PI16: variants seen among roughly 807,000 people sequenced by gnomAD.
PI16 encodes the protein PSP94-binding protein.
In PI16, 35 loss-of-function variants were observed where a neutral mutation model predicts 38.0. That is an observed-to-expected ratio of 0.92 (90% CI 0.70 to 1.22). The LOEUF is 1.22. PI16 is among the 50% of genes most tolerant of loss of function. The pLI is 0.00. For synonymous variants in PI16, 275 were observed against 252.9 expected (o/e 1.09, Z -0.83); for missense variants, 572 against 593.8 (o/e 0.96, Z 0.38).
rs201747717 is a variant in PI16 at position 36,963,491 on chromosome 6, G to T, written c.1149G>T (p.Leu383=). Residue 383 remains leucine (L), a synonymous_variant, in exon 5 of 7, where the codon CTG becomes CTT. Transcript: ENST00000373674. ...VFPAQDKPGE[L]QATLDHTGHT... ...CAGCCCAGGACAAGCCAGGTGAGCT[G>T]CAGGCCACACTGGACCACACGGGGC... 2.4e-4 allele frequency: 380 copies of T among 1,614,030 alleles called. No homozygotes were observed. The highest frequency in any genetic ancestry group is 2.8e-4 in the Non-Finnish European group (334 of 1,180,046).
upstream of PI16, among the ~76,000 whole-genome samples, chr6:36,952,705 G>T (rs972282786): frequency 1.3e-5 from 2 of 152,116 alleles, no homozygotes; most frequent in African/African-American, 4.8e-5. Context: ...TTGTAGATTT[G>T]TGGTTACATA....
At chr6:36,956,883 C>T (rs1763221555) in intron 1 of PI16, among the ~76,000 whole-genome samples, 1 of 152,186 alleles carries the variant, frequency 6.6e-6, no homozygotes, top group African/African-American at 2.4e-5. Context: ...ACTCTTCCTT[C>T]TCTCTCAGCC....
In PI16 at chr6:36,963,061, T is replaced by C. The variant is rs768444413; in HGVS notation, c.719T>C (p.Ile240Thr). ...ACTCCTTCTTCCCTAGCAACGGGGA[T>C]TCCGGCTTTCTTGGTAACAGAGGTC... ...MGTPSSLATGIPAFLVTEVSG... is the reference protein window; with the variant it reads ...MGTPSSLATGTPAFLVTEVSG... Residue 240 changes from isoleucine to threonine, a missense_variant, in exon 5 of 7, where the codon ATT becomes ACT. Ile to Thr is a moderately conservative substitution (Grantham distance 89). Coordinates refer to ENST00000373674, the MANE Select transcript of PI16 (RefSeq NM_153370.3). The C allele has an allele frequency of 3.2e-5, 52 of 1,614,126 alleles. No homozygotes were observed. Among genetic ancestry groups the C allele is most frequent in the Non-Finnish European group, 4.2e-5 (50 of 1,180,054 alleles).
At chr6:36,949,729 A>G (rs1027048109) in intron 1 of PI16, among the ~76,000 whole-genome samples, 2 of 152,058 alleles carry the variant, frequency 1.3e-5, no homozygotes, top group Admixed American at 6.5e-5. Flanking sequence ...TTATTTGCAT[A>G]TTCATTGTAA....
intron 2 of PI16, among the ~76,000 whole-genome samples, chr6:36,960,324 G>GGTGTGTGTGT (rs1561896570): frequency 1.4e-5 from 1 of 72,994 alleles, no homozygotes; most frequent in Non-Finnish European, 2.8e-5. Flanking sequence ...TTGCAGATAA[G>GGTGTGTGTGT]ATGTGTGTGT....
intron 1 of PI16, among the ~76,000 whole-genome samples, chr6:36,957,557 GA>G (rs1321987195): frequency 6.6e-6 from 1 of 152,204 alleles, no homozygotes; most frequent in East Asian, 1.9e-4. Context: ...TTGAATGAAT[GA>G]ATGAATGGAC....
Position 36,963,105 on chromosome 6 carries a change from A to C in PI16, c.763A>C (p.Lys255Gln), listed in dbSNP as rs747217941. ...AGAGGTCTCAGGCTCCCTGGCAACC[A>C]AGGCTCTGCCTGCTGTGGAAACCCA... ...VTEVSGSLAT[K>Q]ALPAVETQAP... The change falls in exon 5 of 7, where the codon AAG becomes CAG. Residue 255 changes from lysine to glutamine, a missense_variant. Coordinates refer to ENST00000373674, the MANE Select transcript of PI16 (RefSeq NM_153370.3). 1 of 1,614,246 alleles carries C rather than the reference A, an allele frequency of 6.2e-7. No homozygotes were observed. The highest frequency in any genetic ancestry group is 8.5e-7 in the Non-Finnish European group (1 of 1,180,044).
In PI16 at chr6:36,956,732, T is replaced by C. The variant is rs200712158; in HGVS notation, c.171+1801T>C. ...AACAGTGGGATAATTCCCTTGTAGCTACAGTGGTTGTAGGGTTAAGTGAGT... is the reference window on the plus strand; with the variant it reads ...AACAGTGGGATAATTCCCTTGTAGCCACAGTGGTTGTAGGGTTAAGTGAGT... On this transcript the variant is annotated intron_variant, in intron 1 of 6. Transcript: ENST00000373674. Among the ~76,000 whole-genome samples the C allele has an allele frequency of 2.0e-5, 3 of 152,216 alleles. No homozygotes were observed. In the East Asian group the frequency reaches 5.8e-4, roughly 29 times the overall value.
intron 2 of PI16, among the ~76,000 whole-genome samples, chr6:36,960,644 C>A (rs561084973): frequency 2.5e-5 from 3 of 122,254 alleles, no homozygotes; most frequent in Admixed American, 1.7e-4. Context: ...CTCCCTCCAC[C>A]CCCCCCCTCC....
At chr6:36,951,848 AAGATTGCGCG>A (rs1211640242), upstream of PI16, among the ~76,000 whole-genome samples, 1 of 152,068 alleles carries the variant, frequency 6.6e-6, no homozygotes, top group Non-Finnish European at 1.5e-5. Context: ...TGCAGTAGCC[AAGATTGCGCG>A]AGTGCACTCC....
chr6:36,959,283 G>T lies in PI16; in HGVS notation c.310G>T (p.Glu104Ter), dbSNP rs2150736910. Residue 104 changes from glutamate to a stop codon, truncating the protein, a stop_gained, in exon 2 of 7, where the codon GAG becomes TAG. Coordinates refer to ENST00000373674, the MANE Select transcript of PI16 (RefSeq NM_153370.3). LOFTEE classifies it high-confidence loss of function. ...GGGCATGGACGTGCCGCTGGCCATG[G>T]AGGAGTGGCACCACGAGCGTGAGCA... ...DEGMDVPLAMEEWHHEREHYN... is the reference protein window; with the variant it reads ...DEGMDVPLAM 1 of 1,598,440 alleles carries T rather than the reference G, an allele frequency of 6.3e-7. No homozygotes were observed.
chr6:36,961,843 G>A (rs370212462), intron 3 of PI16, 43 bp from the exon 4 acceptor site: 6 of 1,501,684 alleles, frequency 4.0e-6, no homozygotes, highest in African/African-American at 1.4e-5. Flanking sequence ...AGGGTTGGGA[G>A]GGGTCGACCC....
chr6:36,958,319 T>C (rs1763258342), intron 1 of PI16, among the ~76,000 whole-genome samples: 1 of 152,194 alleles, frequency 6.6e-6, no homozygotes, highest in African/African-American at 2.4e-5. Context: ...GTCGGATGCC[T>C]TGTTAATCCC....
Position 36,959,219 on chromosome 6 carries a change from C to T in PI16, c.246C>T (p.Arg82=), listed in dbSNP as rs559087141. 2 of 1,610,198 alleles carry T rather than the reference C, an allele frequency of 1.2e-6. No individual in the cohort carries two copies. Among genetic ancestry groups the T allele is most frequent in the African/African-American group, 1.3e-5 (1 of 75,030 alleles). The change falls in exon 2 of 7, where the codon CGC becomes CGT. Residue 82 remains arginine, a synonymous_variant. Coordinates refer to ENST00000373674, the MANE Select transcript of PI16 (RefSeq NM_153370.3). The part of the protein sequence containing the change: ...RQCVWGHNKE[R]GRRGENLFAI... ...GCGTGTGGGGCCACAACAAGGAGCG[C>T]GGGCGCCGCGGCGAGAATCTGTTCG...
chr6:36,961,771 G>A, intron 3 of PI16, 115 bp from the exon 4 acceptor site: 2 of 1,012,508 alleles, frequency 2.0e-6, no homozygotes, highest in South Asian at 1.4e-5. Flanking sequence ...GCAAGTCAGT[G>A]GCTGGCAGTC....
At chr6:36,954,682 A>AG (rs1159434360), upstream of PI16, 2 of 1,521,700 alleles carry the variant, frequency 1.3e-6, no homozygotes, top group Non-Finnish European at 8.8e-7. Flanking sequence ...CACCCCAGCC[A>AG]GGGTGGTGCT....
intron 2 of PI16, among the ~76,000 whole-genome samples, chr6:36,959,803 G>A (rs1189835737): frequency 6.6e-6 from 1 of 151,786 alleles, no homozygotes; most frequent in Non-Finnish European, 1.5e-5. Context: ...AGGAGGTTGA[G>A]GCTGCAGTGA....
At chr6:36,948,614 T>C (rs980459307) in intron 1 of PI16, among the ~76,000 whole-genome samples, 12 of 85,840 alleles carry the variant, frequency 1.4e-4, no homozygotes, top group African/African-American at 5.8e-4. Context: ...TTCTTTCTTT[T>C]TTTTTTTCCT....
At chr6:36,960,313 C>T (rs1376893399) in intron 2 of PI16, among the ~76,000 whole-genome samples, 2 of 133,136 alleles carry the variant, frequency 1.5e-5, no homozygotes, top group African/African-American at 5.6e-5. Context: ...AAAGTTTGGG[C>T]TTGCAGATAA....
Sources: gnomAD v4.1 joint callset for allele counts (sites outside exome capture counted in the v4.1 genomes callset) on GRCh38, gnomAD v4.1.1 for gene constraint, MANE v1.5 for transcripts, NCBI Gene and HGNC (gene_info 2026-07-23, HGNC 2026-07-21) for gene names.